Variants in PPIP5K1 observed in about 807,000 individuals in gnomAD.
PPIP5K1 encodes the protein inositol hexakisphosphate and diphosphoinositol-pentakisphosphate kinase 1.
In PPIP5K1, 6 loss-of-function variants were observed where a neutral mutation model predicts 27.7. The ratio of observed to expected loss-of-function variants is 0.22; its 90% CI spans 0.12 to 0.43. The LOEUF is 0.43. Among genes scored for constraint, PPIP5K1 ranks in the 20% least tolerant of loss-of-function variants. The pLI is 1.00. For missense variants in PPIP5K1, 394 were observed against 635.4 expected (o/e 0.62, Z 4.08); for synonymous variants, 145 against 242.6 (o/e 0.60, Z 3.74).
chr15:43,560,341 A>G, intron 29 of PPIP5K1, 72 bp downstream of exon 29: 1 of 1,037,464 alleles, frequency 9.6e-7, no homozygotes, highest in Non-Finnish European at 1.3e-6. Flanking sequence ...CTCTCCTGCC[A>G]GAAGTGCAAT....
rs908072501 is a variant in PPIP5K1, at chr15:43,533,768, A to G, written c.*906T>C. 2 of 152,138 alleles carry G rather than the reference A, an allele frequency of 1.3e-5. No homozygotes were observed. The highest frequency in any genetic ancestry group is 2.9e-5 in the Non-Finnish European group (2 of 68,036). The allele number at this position is 152,138 out of a possible 1,614,324, so 9.4% of individuals were successfully genotyped here. The stretch of plus-strand genomic sequence containing the variant: ...TATTGATCTCTGCTGATTGCTTAAA[A>G]TAGAACCTGATTATCTCTACTACTA... On this transcript the variant is annotated 3_prime_UTR_variant, in exon 32 of 32. Coordinates refer to ENST00000420765, the MANE Select transcript of PPIP5K1 (RefSeq NM_001394395.1).
intron 10 of PPIP5K1, among the ~76,000 whole-genome samples, chr15:43,580,325 T>C (rs1383113202): frequency 1.7e-5 from 1 of 60,140 alleles, no homozygotes; most frequent in Non-Finnish European, 2.7e-5. Flanking sequence ...GGTGAATACA[T>C]AGATGCTCAC....
chr15:43,539,254 T>C (rs1029884316), intron 31 of PPIP5K1, among the ~76,000 whole-genome samples: 3 of 150,324 alleles, frequency 2.0e-5, no homozygotes, highest in Non-Finnish European at 4.4e-5. Flanking sequence ...TCCAATGAAA[T>C]AGAAGGAACA....
chr15:43,545,731 A>G (rs946364477), intron 30 of PPIP5K1, among the ~76,000 whole-genome samples: 2 of 151,984 alleles, frequency 1.3e-5, no homozygotes, highest in African/African-American at 2.4e-5. Context: ...GGAATTTACC[A>G]CTAACACCCT....
At chr15:43,555,857 T>C (rs2082872280) in intron 30 of PPIP5K1, among the ~76,000 whole-genome samples, 2 of 145,250 alleles carry the variant, frequency 1.4e-5, no homozygotes, top group African/African-American at 2.6e-5. Flanking sequence ...CCACCCTCCT[T>C]GGCCTCTCAA....
In PPIP5K1 at chr15:43,535,476, T is replaced by A. The variant is rs1274525432; in HGVS notation, c.3671A>T (p.Tyr1224Phe). The A allele has an allele frequency of 6.4e-7, 1 of 1,556,478 alleles. No homozygotes were observed. The highest frequency in any genetic ancestry group is 8.7e-7 in the Non-Finnish European group (1 of 1,155,242). ...LQQRSEKPPWYSSGPSSTVSS... is the reference protein window; with the variant it reads ...LQQRSEKPPWFSSGPSSTVSS... ...CACAGTGCTAGAAGGGCCACTGCTG[T>A]CTGTAAAGCAAAGTCAAGAGATCAA... is the stretch of plus-strand genomic sequence containing the variant. Residue 1224 changes from tyrosine (Y) to phenylalanine (F), a missense_variant and splice_region_variant, in exon 32 of 32, where the codon TAC becomes TTC. Tyr to Phe is a conservative substitution (Grantham distance 22). Around this residue, in one of 4 missense-constraint regions of PPIP5K1, gnomAD observed 379 missense variants for 423.9 expected, o/e 0.89. Coordinates refer to ENST00000420765, the MANE Select transcript of PPIP5K1 (RefSeq NM_001394395.1).
intron 30 of PPIP5K1, among the ~76,000 whole-genome samples, chr15:43,558,519 C>T (rs1402201390): frequency 6.6e-6 from 1 of 152,168 alleles, no homozygotes; most frequent in Non-Finnish European, 1.5e-5. Flanking sequence ...AGCCACTGCG[C>T]CCGGCCTTAT....
chr15:43,540,420 C>T (rs886300530), intron 30 of PPIP5K1, among the ~76,000 whole-genome samples: 2 of 151,728 alleles, frequency 1.3e-5, no homozygotes, highest in Admixed American at 6.6e-5. Flanking sequence ...AAATTAAGGC[C>T]GGGCACAGTG....
chr15:43,547,602 G>A lies in PPIP5K1; in HGVS notation c.3557-8019C>T, dbSNP rs111302048. The stretch of plus-strand genomic sequence containing the variant: ...CCTAGTGGTTTCAGCACCACTTATC[G>A]AAGAGACTATTCTTTCTCCATTGAA... On this transcript the variant is annotated intron_variant, in intron 30 of 31. Transcript: ENST00000420765. 2.9e-3 allele frequency among the ~76,000 whole-genome samples: 444 copies of A among 152,290 alleles called. 1 individual carries two copies. Among genetic ancestry groups the A allele is most frequent in the African/African-American group, 1.0e-2 (414 of 41,564 alleles).
chr15:43,542,140 C>T (rs1299101185), intron 30 of PPIP5K1, among the ~76,000 whole-genome samples: 1 of 152,206 alleles, frequency 6.6e-6, no homozygotes, highest in African/African-American at 2.4e-5. Context: ...AAGAGCTTTC[C>T]TTCTGCAAAT....
chr15:43,545,563 G>A (rs930267340), intron 30 of PPIP5K1, among the ~76,000 whole-genome samples: 1 of 147,772 alleles, frequency 6.8e-6, no homozygotes. Flanking sequence ...CTCCATCCTC[G>A]AACTCCTGGG....
intron 30 of PPIP5K1, among the ~76,000 whole-genome samples, chr15:43,557,858 T>C (rs1025982526): frequency 7.5e-6 from 1 of 133,472 alleles, no homozygotes; most frequent in Non-Finnish European, 1.6e-5. Context: ...TCTGGAGAGA[T>C]GGGGGTCTCA....
chr15:43,535,296 A>T lies in PPIP5K1; in HGVS notation c.3851T>A (p.Ile1284Lys). ...TPGSGAQELS[I>K]EGEQELFEPN... ...TTCAAAAAGCTCTTGCTCCCCTTCT[A>T]TGGAGAGCTCTTGTGCTCCACTCCC... The change falls in exon 32 of 32, where the codon ATA becomes AAA. Residue 1284 changes from isoleucine to lysine, a missense_variant. Coordinates refer to ENST00000420765, the MANE Select transcript of PPIP5K1 (RefSeq NM_001394395.1). The T allele has an allele frequency of 6.2e-7, 1 of 1,614,058 alleles. No individual in the cohort carries two copies. Among genetic ancestry groups the T allele is most frequent in the Non-Finnish European group, 8.5e-7 (1 of 1,179,992 alleles).
chr15:43,578,990 G>A, intron 11 of PPIP5K1, 29 bp downstream of exon 11: 1 of 96,014 alleles, frequency 1.0e-5, no homozygotes, highest in Non-Finnish European at 1.7e-5. Context: ...TCTTAAGTAG[G>A]TTACTCCAGA....
chr15:43,556,154 C>CA (rs2082907680), intron 30 of PPIP5K1, among the ~76,000 whole-genome samples: 2 of 151,404 alleles, frequency 1.3e-5, no homozygotes, highest in Non-Finnish European at 1.5e-5. Flanking sequence ...CCTGTCTCTA[C>CA]TAAAAAAATA....
chr15:43,558,194 C>T (rs2083264684), intron 30 of PPIP5K1, among the ~76,000 whole-genome samples: 1 of 150,722 alleles, frequency 6.6e-6, no homozygotes, highest in Non-Finnish European at 1.5e-5. Context: ...GCAGCTGGGA[C>T]TACAGGCACA....
chr15:43,579,653 ATTTTTTTTTTT>A (rs1179725070), intron 10 of PPIP5K1, among the ~76,000 whole-genome samples: 1 of 28,794 alleles, frequency 3.5e-5, no homozygotes, highest in Non-Finnish European at 5.0e-5. Flanking sequence ...ATATATATAT[ATTTTTTTTTTT>A]TTTTTTTTTT....
At chr15:43,553,747 C>A (rs1041653799) in intron 30 of PPIP5K1, among the ~76,000 whole-genome samples, 1 of 151,384 alleles carries the variant, frequency 6.6e-6, no homozygotes, top group Non-Finnish European at 1.5e-5. Flanking sequence ...CGGGTTCATG[C>A]CATTCTCCTG....
chr15:43,541,526 G>A lies in PPIP5K1; in HGVS notation c.3557-1943C>T, dbSNP rs1412200229. Among the ~76,000 whole-genome samples, 5 of 152,104 alleles carry A rather than the reference G, an allele frequency of 3.3e-5. No homozygotes were observed. In the East Asian group the frequency reaches 9.7e-4, roughly 29 times the overall value. The stretch of plus-strand genomic sequence containing the variant: ...GAGGTCAGGAATTCAAGACCAGCCT[G>A]GCCAATATGGAGAAATTCCATTTCT... On this transcript the variant is annotated intron_variant, in intron 30 of 31. Transcript: ENST00000420765.
Sources: allele counts gnomAD v4.1 joint callset (sites outside exome capture counted in the v4.1 genomes callset), GRCh38; gene constraint gnomAD v4.1.1; regional missense constraint gnomAD v4.1.1; transcripts MANE v1.5; gene names NCBI Gene and HGNC (gene_info 2026-07-23, HGNC 2026-07-21).